NFIB: variants seen among roughly 807,000 people sequenced by gnomAD.
NFIB encodes nuclear factor 1 B-type.
In NFIB, 11 loss-of-function variants were observed where a neutral mutation model predicts 61.5. That is an observed-to-expected ratio of 0.18 (90% CI 0.11 to 0.30). NFIB has a LOEUF of 0.30. NFIB is among the 10% of genes least tolerant of loss of function. The pLI is 1.00. For synonymous variants in NFIB, 260 were observed against 216.5 expected, an observed-to-expected ratio of 1.20 and a Z score of -1.76; for missense variants, 471 against 608.9, an observed-to-expected ratio of 0.77 and a Z score of 2.38.
At position 14,125,788 on chromosome 9, in the gene NFIB, C is replaced by T. The variant is rs768063816; in HGVS notation, c.926-22G>A. 2.5e-6 allele frequency: 4 copies of T among 1,611,616 alleles called. No individual in the cohort carries two copies. In the Admixed American group the frequency reaches 6.7e-5, roughly 27 times the overall value. Reference sequence around the variant, plus strand: ...ATATCTGCGAGAAACAGAGAAAAACCCAAAGCTCCATGACTTTCTTAAGCT... The same window carrying T: ...ATATCTGCGAGAAACAGAGAAAAACTCAAAGCTCCATGACTTTCTTAAGCT... On this transcript the variant is annotated intron_variant, in intron 6 of 10. Transcript: ENST00000380953.
upstream of NFIB, among the ~76,000 whole-genome samples, chr9:14,399,711 T>C (rs1355207208): frequency 6.6e-6 from 1 of 152,232 alleles, no homozygotes; most frequent in Non-Finnish European, 1.5e-5. Flanking sequence ...CATCTGGTTA[T>C]TATAGTCTTT....
chr9:14,311,550 T>C (rs1351480213), intron 1 of NFIB, among the ~76,000 whole-genome samples: 1 of 84,228 alleles, frequency 1.2e-5, no homozygotes, highest in Non-Finnish European at 3.5e-5. Flanking sequence ...TCACAAGTTA[T>C]TGTTGTTAAG....
intron 2 of NFIB, among the ~76,000 whole-genome samples, chr9:14,281,008 A>G (rs1211352695): frequency 6.6e-6 from 1 of 152,208 alleles, no homozygotes; most frequent in African/African-American, 2.4e-5. Context: ...TTGTGCCACA[A>G]TATGTACGGT....
At chr9:14,196,626 G>A (rs1221686022) in intron 2 of NFIB, among the ~76,000 whole-genome samples, 3 of 151,004 alleles carry the variant, frequency 2.0e-5, no homozygotes, top group East Asian at 3.9e-4. Context: ...GTCCTCCAAG[G>A]CTCCTTGAAA....
At chr9:14,223,384 A>C (rs1304313244) in intron 2 of NFIB, among the ~76,000 whole-genome samples, 1 of 152,136 alleles carries the variant, frequency 6.6e-6, no homozygotes, top group Non-Finnish European at 1.5e-5. Context: ...TAACTTCTCC[A>C]CTGCATTGCT....
chr9:14,348,064 G>C (rs2061055188), intron 1 of NFIB, among the ~76,000 whole-genome samples: 1 of 152,192 alleles, frequency 6.6e-6, no homozygotes, highest in South Asian at 2.1e-4. Flanking sequence ...ATTTATGCTG[G>C]GGGCGGAACG....
chr9:14,101,125 G>T (rs2035717112), intron 10 of NFIB, among the ~76,000 whole-genome samples: 2 of 152,004 alleles, frequency 1.3e-5, no homozygotes, highest in Admixed American at 1.3e-4. Flanking sequence ...ACTTAATTAA[G>T]ACTATTAATC....
chr9:14,225,657 G>A (rs1015219024), intron 2 of NFIB, among the ~76,000 whole-genome samples: 1 of 151,914 alleles, frequency 6.6e-6, no homozygotes, highest in Non-Finnish European at 1.5e-5. Flanking sequence ...ATTAAAGTCT[G>A]ATATAGAAAG....
intron 9 of NFIB, among the ~76,000 whole-genome samples, chr9:14,114,696 AT>A (rs1472141880): frequency 6.6e-6 from 1 of 152,204 alleles, no homozygotes; most frequent in Non-Finnish European, 1.5e-5. Context: ...GGGTACTCCT[AT>A]AAGTGAACTG....
chr9:14,201,153 T>A (rs2048989197), intron 2 of NFIB, among the ~76,000 whole-genome samples: 2 of 152,314 alleles, frequency 1.3e-5, no homozygotes, highest in Middle Eastern at 3.4e-3. Context: ...CTCAGGCCAT[T>A]ATGATTCACT....
At chr9:14,164,292 C>A (rs1027209938) in intron 3 of NFIB, among the ~76,000 whole-genome samples, 2 of 152,012 alleles carry the variant, frequency 1.3e-5, no homozygotes, top group Non-Finnish European at 2.9e-5. Flanking sequence ...TAGGCAATTT[C>A]ATGGTTGTAT....
chr9:14,394,962 C>G (rs1230547837), intron 1 of NFIB, among the ~76,000 whole-genome samples: 1 of 152,106 alleles, frequency 6.6e-6, no homozygotes, highest in Non-Finnish European at 1.5e-5. Context: ...GATTACAAGG[C>G]AAAGGAAAAT....
At chr9:14,469,122 AT>A in the NFIB span, among the ~76,000 whole-genome samples, 1 of 152,148 alleles carries the variant, frequency 6.6e-6, no homozygotes. Context: ...GATCAAGACT[AT>A]TTTTTGATGC....
the NFIB span, among the ~76,000 whole-genome samples, chr9:14,404,831 G>C: frequency 6.6e-6 from 1 of 152,150 alleles, no homozygotes; most frequent in Admixed American, 6.5e-5. Flanking sequence ...ACAGTATCTT[G>C]TTTGGATGCT....
At chr9:14,339,708 C>G (rs1190169594) in intron 1 of NFIB, among the ~76,000 whole-genome samples, 2 of 152,214 alleles carry the variant, frequency 1.3e-5, no homozygotes, top group Non-Finnish European at 2.9e-5. Context: ...GGATAAACTT[C>G]TGTTAGTCAT....
At chr9:14,449,226 C>T in the NFIB span, among the ~76,000 whole-genome samples, 1 of 152,162 alleles carries the variant, frequency 6.6e-6, no homozygotes, top group Admixed American at 6.5e-5. Context: ...CAGGGTCCAA[C>T]CAAAGTCTCA....
intron 1 of NFIB, among the ~76,000 whole-genome samples, chr9:14,354,095 T>C (rs2061147880): frequency 6.6e-6 from 1 of 152,152 alleles, no homozygotes; most frequent in Non-Finnish European, 1.5e-5. Flanking sequence ...TGGGATTGAT[T>C]AAATCACTAA....
At chr9:14,231,658 G>A (rs575947630) in intron 2 of NFIB, among the ~76,000 whole-genome samples, 2 of 152,198 alleles carry the variant, frequency 1.3e-5, no homozygotes, top group East Asian at 1.9e-4. Context: ...ATTAATGAGA[G>A]GTTTAAAACA....
At position 14,150,201 on chromosome 9, in the gene NFIB, A is replaced by G. The variant is rs1395605340; in HGVS notation, c.750T>C (p.Tyr250=). 6.2e-7 allele frequency: 1 copy of G among 1,613,448 alleles called. No individual in the cohort carries two copies. The highest frequency in any genetic ancestry group is 8.5e-7 in the Non-Finnish European group (1 of 1,179,614). The change falls in exon 5 of 11, where the codon TAT becomes TAC. Residue 250 remains tyrosine (Y), a synonymous_variant. Transcript: ENST00000380953. The part of the protein sequence containing the change: ...PIGEIPSQPY[Y]HDMNSGVNLQ... Reference sequence around the variant, plus strand: ...GATTGACCCCCGAGTTCATGTCATGATAGTATGGTTGGCTTGGGATTTCTC... The same window carrying G: ...GATTGACCCCCGAGTTCATGTCATGGTAGTATGGTTGGCTTGGGATTTCTC...
Sources: allele counts gnomAD v4.1 joint callset (sites outside exome capture counted in the v4.1 genomes callset), GRCh38; gene constraint gnomAD v4.1.1; transcripts MANE v1.5; gene names NCBI Gene and HGNC (gene_info 2026-07-23, HGNC 2026-07-21).